GPR137C: variants seen among roughly 807,000 people sequenced by gnomAD.
GPR137C encodes the protein integral membrane protein GPR137C.
GPR137C carries 27 observed loss-of-function variants against 43.4 expected under a neutral mutation model. That is an observed-to-expected ratio of 0.62 (90% CI 0.46 to 0.86). The LOEUF is 0.86. Ranked by LOEUF, GPR137C falls within the 40% of genes least tolerant of loss-of-function variation. The pLI, the probability that GPR137C is intolerant of heterozygous loss-of-function variation, is 0.00. For missense variants in GPR137C, 522 were observed against 534.6 expected (o/e 0.98, Z 0.23); for synonymous variants, 285 against 226.9 (o/e 1.26, Z -2.30).
intron 1 of GPR137C, among the ~76,000 whole-genome samples, chr14:52,555,616 G>A (rs2038180836): frequency 6.6e-6 from 1 of 152,278 alleles, no homozygotes; most frequent in Non-Finnish European, 1.5e-5. Context: ...TAGTGAGGAA[G>A]AATTTAAAAT....
At chr14:52,606,041 G>C (rs2038980186) in intron 3 of GPR137C, among the ~76,000 whole-genome samples, 1 of 152,152 alleles carries the variant, frequency 6.6e-6, no homozygotes, top group African/African-American at 2.4e-5. Context: ...TGGCATCAGA[G>C]GGTAATGCTA....
chr14:52,570,596 A>G (rs1020659539), intron 1 of GPR137C, among the ~76,000 whole-genome samples: 1 of 152,188 alleles, frequency 6.6e-6, no homozygotes, highest in Non-Finnish European at 1.5e-5. Context: ...TATATTCAGG[A>G]GACCCGTCTC....
At chr14:52,576,239 T>C (rs960676782) in intron 1 of GPR137C, among the ~76,000 whole-genome samples, 1 of 152,254 alleles carries the variant, frequency 6.6e-6, no homozygotes, top group Non-Finnish European at 1.5e-5. Context: ...TTTCTGTTTC[T>C]GAGTTATTTT....
rs550614171 is a variant in GPR137C, at chr14:52,601,466, G to A, written c.717+1125G>A. Among the ~76,000 whole-genome samples, 59 of 149,238 alleles carry A rather than the reference G, an allele frequency of 4.0e-4. 1 individual carries two copies. The South Asian group carries it at 9.5e-3, about 24-fold the overall frequency. On this transcript the variant is annotated intron_variant, in intron 3 of 6. Coordinates refer to ENST00000321662, the MANE Select transcript of GPR137C (RefSeq NM_001099652.2). Reference sequence around the variant, plus strand: ...TTTAAATATATTTCAGTGGAATGCTGGGGGAGATATTATGTGTGTGTGTGT... The same window carrying A: ...TTTAAATATATTTCAGTGGAATGCTAGGGGAGATATTATGTGTGTGTGTGT...
At chr14:52,596,452 C>G (rs530183470) in intron 1 of GPR137C, among the ~76,000 whole-genome samples, 72 of 152,358 alleles carry the variant, frequency 4.7e-4, no homozygotes, top group African/African-American at 1.6e-3. Flanking sequence ...AGGCGGTAGG[C>G]CTTGCTGAGC....
chr14:52,566,176 T>C (rs1398391347), intron 1 of GPR137C, among the ~76,000 whole-genome samples: 1 of 152,192 alleles, frequency 6.6e-6, no homozygotes, highest in African/African-American at 2.4e-5. Context: ...TAGAATAATA[T>C]TTCAAATTTG....
At chr14:52,569,190 G>A (rs188822254) in intron 1 of GPR137C, among the ~76,000 whole-genome samples, 6 of 152,142 alleles carry the variant, frequency 3.9e-5, no homozygotes, top group East Asian at 1.9e-4. Context: ...GACCTGCACC[G>A]GAGGGGCCTG....
chr14:52,556,333 G>A (rs1311876085), intron 1 of GPR137C, among the ~76,000 whole-genome samples: 1 of 151,302 alleles, frequency 6.6e-6, no homozygotes, highest in East Asian at 1.9e-4. Context: ...ATACATTTTG[G>A]TGGATATTCT....
intron 3 of GPR137C, among the ~76,000 whole-genome samples, chr14:52,610,025 G>T (rs2139547098): frequency 6.6e-6 from 1 of 152,164 alleles, no homozygotes; most frequent in South Asian, 2.1e-4. Context: ...TGTATATATT[G>T]TTCCCTCTGC....
intron 1 of GPR137C, among the ~76,000 whole-genome samples, chr14:52,587,101 C>T (rs2038723123): frequency 6.6e-6 from 1 of 152,150 alleles, no homozygotes; most frequent in Admixed American, 6.5e-5. Context: ...CCACACACCA[C>T]CACCACACGA....
intron 1 of GPR137C, among the ~76,000 whole-genome samples, chr14:52,571,644 A>G (rs890041917): frequency 2.0e-5 from 3 of 152,148 alleles, no homozygotes; most frequent in Admixed American, 6.5e-5. Context: ...ATTGCACTCC[A>G]GGGGGCCGTG....
In GPR137C at chr14:52,623,312, T is replaced by C. The variant is rs528547001; in HGVS notation, c.718-8848T>C. 2.0e-5 allele frequency among the ~76,000 whole-genome samples: 3 copies of C among 152,342 alleles called. No individual in the cohort carries two copies. The South Asian group carries it at 6.2e-4, about 32-fold the overall frequency. On this transcript the variant is annotated intron_variant, in intron 3 of 6. Transcript: ENST00000321662. ...TGGAAATGGCAATGCCATGGTTCTT[T>C]TATAAACTTTCCATCCAGCAGGCAT...
chr14:52,595,666 A>G (rs910529638), intron 1 of GPR137C, among the ~76,000 whole-genome samples: 10 of 152,214 alleles, frequency 6.6e-5, no homozygotes, highest in Admixed American at 2.6e-4. Context: ...TTTCAGCTCC[A>G]TCAGGTCATT....
At chr14:52,606,010 G>T (rs373143684) in intron 3 of GPR137C, among the ~76,000 whole-genome samples, 3 of 152,176 alleles carry the variant, frequency 2.0e-5, no homozygotes, top group African/African-American at 7.2e-5. Context: ...GTTTTTTGTT[G>T]TTTGTCTCTT....
intron 1 of GPR137C, among the ~76,000 whole-genome samples, chr14:52,583,621 G>C (rs866928028): frequency 6.6e-6 from 1 of 152,052 alleles, no homozygotes; most frequent in Non-Finnish European, 1.5e-5. Flanking sequence ...CATGTCTTTT[G>C]TGGGAAAAAT....
At chr14:52,609,003 T>C (rs1566620077) in intron 3 of GPR137C, among the ~76,000 whole-genome samples, 1 of 152,210 alleles carries the variant, frequency 6.6e-6, no homozygotes, top group Non-Finnish European at 1.5e-5. Flanking sequence ...TTATTATTTC[T>C]TCAAATAAAC....
At position 52,568,326 on chromosome 14, in the gene GPR137C, T is replaced by C. The variant is rs564008873; in HGVS notation, c.444+14735T>C. On this transcript the variant is annotated intron_variant, in intron 1 of 6. Coordinates refer to ENST00000321662, the MANE Select transcript of GPR137C (RefSeq NM_001099652.2). Reference sequence around the variant, plus strand: ...CCAACCTGCAAACCAGGAGATTCCCTTGGGTGCCAACACCACCAGGGCCCT... The same window carrying C: ...CCAACCTGCAAACCAGGAGATTCCCCTGGGTGCCAACACCACCAGGGCCCT... 5.9e-5 allele frequency among the ~76,000 whole-genome samples: 9 copies of C among 152,252 alleles called. No individual in the cohort carries two copies. The South Asian group carries it at 1.9e-3, about 32-fold the overall frequency.
chr14:52,568,780 GGCA>G (rs1484442800), intron 1 of GPR137C, among the ~76,000 whole-genome samples: 3 of 152,238 alleles, frequency 2.0e-5, no homozygotes, highest in African/African-American at 7.2e-5. Flanking sequence ...CTGAAAGAAA[GGCA>G]GCAGCCCCAG....
intron 3 of GPR137C, among the ~76,000 whole-genome samples, chr14:52,629,407 T>C (rs1594810127): frequency 3.3e-5 from 5 of 152,204 alleles, no homozygotes; most frequent in Admixed American, 2.6e-4. Flanking sequence ...TCAATTTTCC[T>C]GGGTCTCAGT....
Sources: gnomAD v4.1 joint callset for allele counts (sites outside exome capture counted in the v4.1 genomes callset) on GRCh38, gnomAD v4.1.1 for gene constraint, MANE v1.5 for transcripts, NCBI Gene and HGNC (gene_info 2026-07-23, HGNC 2026-07-21) for gene names.